The following DACH2 variants were observed in gnomAD, a reference collection of about 807,000 sequenced individuals.
The protein encoded by DACH2 is dachshund homolog 2.
DACH2 carries 17 observed loss-of-function variants against 35.8 expected under a neutral mutation model. That is an observed-to-expected ratio of 0.48 (90% CI 0.33 to 0.71). The LOEUF (loss-of-function observed/expected upper bound fraction) is 0.71. DACH2 is among the 30% of genes least tolerant of loss of function. The pLI, the probability that DACH2 is intolerant of heterozygous loss-of-function variation, is 0.02. For synonymous variants in DACH2, 195 were observed against 177.3 expected (o/e 1.10, Z -0.79); for missense variants, 469 against 472.7 (o/e 0.99, Z 0.07).
At chrX:86,462,447 T>C (rs2037591566) in intron 2 of DACH2, among the ~76,000 whole-genome samples, 3 of 111,328 alleles carry the variant, frequency 2.7e-5, no homozygotes, top group Non-Finnish European at 3.8e-5. Flanking sequence ...AAAGTTTCCC[T>C]ATTGAAATGA....
At chrX:86,450,093 G>A (rs753174867) in intron 2 of DACH2, among the ~76,000 whole-genome samples, 34 of 110,665 alleles carry the variant, frequency 3.1e-4, no homozygotes, top group Non-Finnish European at 5.3e-4. Context: ...AAGTTCTGGG[G>A]TACGTGTGCA....
intron 3 of DACH2, among the ~76,000 whole-genome samples, chrX:86,638,476 C>T (rs1252768623): frequency 1.8e-5 from 2 of 111,201 alleles, no homozygotes; most frequent in Non-Finnish European, 3.8e-5. Flanking sequence ...AGACCACTGG[C>T]AGAGTGGGAG....
intron 2 of DACH2, among the ~76,000 whole-genome samples, chrX:86,483,758 G>A (rs2037978759): frequency 9.0e-6 from 1 of 111,031 alleles, no homozygotes; most frequent in South Asian, 3.9e-4. Flanking sequence ...CTTGAGCCTG[G>A]GAGGCGGAGG....
chrX:86,371,599 G>GT (rs922288841), intron 1 of DACH2, among the ~76,000 whole-genome samples: 40 of 108,516 alleles, frequency 3.7e-4, no homozygotes, highest in Non-Finnish European at 6.9e-4. Context: ...ATATCCTCAG[G>GT]TTTTTTTTTC....
At chrX:86,162,019 G>A (rs1226790622) in intron 1 of DACH2, among the ~76,000 whole-genome samples, 2 of 112,067 alleles carry the variant, frequency 1.8e-5, no homozygotes, top group Non-Finnish European at 3.8e-5. Context: ...ATTCTTTACA[G>A]TTTTGTCTCA....
chrX:86,827,190 AAGTG>A (rs143201178), intron 11 of DACH2, among the ~76,000 whole-genome samples: 14,518 of 111,403 alleles, frequency 0.13, 868 homozygotes, highest in South Asian at 0.39. Context: ...GAAAAATAAA[AAGTG>A]AGCAATTACT....
At chrX:86,769,931 G>T (rs759275732) in intron 7 of DACH2, among the ~76,000 whole-genome samples, 1 of 108,985 alleles carries the variant, frequency 9.2e-6, no homozygotes, top group Non-Finnish European at 1.9e-5. Context: ...GGAGGCTGAG[G>T]CGGGAGGATT....
chrX:86,343,060 G>C (rs1230504686), intron 1 of DACH2, among the ~76,000 whole-genome samples: 3 of 111,994 alleles, frequency 2.7e-5, no homozygotes, highest in Non-Finnish European at 5.6e-5. Flanking sequence ...AGTGTAAACA[G>C]AACTTTTGCA....
chrX:86,570,953 CATTAT>C (rs2039358987), intron 3 of DACH2, among the ~76,000 whole-genome samples: 1 of 111,030 alleles, frequency 9.0e-6, no homozygotes, highest in Non-Finnish European at 1.9e-5. Flanking sequence ...TAATGAATTA[CATTAT>C]ATCAAATTTT....
intron 1 of DACH2, among the ~76,000 whole-genome samples, chrX:86,253,988 G>C (rs2033452214): frequency 8.9e-6 from 1 of 111,886 alleles, no homozygotes; most frequent in Non-Finnish European, 1.9e-5. Context: ...ATTTTTGTAA[G>C]ATGTATTGGG....
At chrX:86,314,244 C>A (rs2148028074) in intron 1 of DACH2, among the ~76,000 whole-genome samples, 1 of 111,262 alleles carries the variant, frequency 9.0e-6, no homozygotes, top group Non-Finnish European at 1.9e-5. Context: ...GGGCCAGGTG[C>A]CTTAGCTCAC....
intron 1 of DACH2, among the ~76,000 whole-genome samples, chrX:86,198,971 A>G (rs985842746): frequency 1.8e-5 from 2 of 110,427 alleles, no homozygotes; most frequent in Admixed American, 9.6e-5. Context: ...AAAAAAGAAA[A>G]CTTCAGTCCA....
intron 7 of DACH2, among the ~76,000 whole-genome samples, chrX:86,755,585 T>C (rs924300425): frequency 1.0e-5 from 1 of 100,405 alleles, no homozygotes; most frequent in Non-Finnish European, 2.0e-5. Flanking sequence ...TTAATCCGTC[T>C]TGACCTAATT....
intron 3 of DACH2, among the ~76,000 whole-genome samples, chrX:86,556,106 T>C (rs2039114703): frequency 9.0e-6 from 1 of 111,595 alleles, no homozygotes; most frequent in Non-Finnish European, 1.9e-5. Context: ...TTCTGTATGC[T>C]TCAGATGCCT....
chrX:86,316,658 G>A (rs932186283), intron 1 of DACH2, among the ~76,000 whole-genome samples: 12 of 111,373 alleles, frequency 1.1e-4, no homozygotes, highest in Non-Finnish European at 9.4e-5. Context: ...ACTTTCTGCT[G>A]GAGGGAGGTG....
intron 1 of DACH2, among the ~76,000 whole-genome samples, chrX:86,374,946 A>C (rs986779722): frequency 9.1e-5 from 10 of 110,443 alleles, no homozygotes; most frequent in African/African-American, 3.3e-4. Flanking sequence ...AAAATGAGTT[A>C]ATTGATATCA....
At chrX:86,623,813 G>A (rs1175678316) in intron 3 of DACH2, among the ~76,000 whole-genome samples, 1 of 106,255 alleles carries the variant, frequency 9.4e-6, no homozygotes, top group Non-Finnish European at 1.9e-5. Context: ...ACTTTGGGAG[G>A]CCGAGACGGG....
At chrX:86,499,825 C>T (rs1039199446) in intron 2 of DACH2, among the ~76,000 whole-genome samples, 5 of 111,851 alleles carry the variant, frequency 4.5e-5, no homozygotes, top group African/African-American at 1.6e-4. Flanking sequence ...CAATGCTTTC[C>T]TTTCAGGCAA....
intron 1 of DACH2, among the ~76,000 whole-genome samples, chrX:86,167,445 CT>C (rs201791024): frequency 0.07 from 7,783 of 110,435 alleles, 669 homozygotes; most frequent in African/African-American, 0.24. Context: ...GATTTTCTCT[CT>C]TTTTTTCTTA....
Sources: gnomAD v4.1 joint callset for allele counts (sites outside exome capture counted in the v4.1 genomes callset) on GRCh38, gnomAD v4.1.1 for gene constraint, MANE v1.5 for transcripts, NCBI Gene and HGNC (gene_info 2026-07-23, HGNC 2026-07-21) for gene names.